Variants in KRT8 observed in about 807,000 individuals in gnomAD.
KRT8 encodes keratin, type II cytoskeletal 8.
Under a neutral mutation model 43.0 loss-of-function variants are expected in KRT8, and 24 were observed. That is an observed-to-expected ratio of 0.56 (90% CI 0.40 to 0.78). The LOEUF is 0.78. Among genes scored for constraint, KRT8 ranks in the 30% least tolerant of loss-of-function variants. KRT8 has a pLI of 0.00. For synonymous variants in KRT8, 214 were observed against 261.2 expected (o/e 0.82, Z 1.74); for missense variants, 492 against 638.4 (o/e 0.77, Z 2.47).
chr12:52,926,357 T>G, intron 2 of KRT8: 1 of 461,028 alleles, frequency 2.2e-6, no homozygotes, highest in Non-Finnish European at 3.8e-6. Flanking sequence ...CCCCCAGGAC[T>G]GTGCCCTCCT....
At chr12:52,906,761 A>G (rs1157014106), upstream of KRT8, 1 of 455,956 alleles carries the variant, frequency 2.2e-6, no homozygotes, top group Admixed American at 2.3e-5. Flanking sequence ...GAGGAGAGGG[A>G]CAGGTGACAT....
intron 2 of KRT8, among the ~76,000 whole-genome samples, chr12:52,918,521 G>C (rs1038119002): frequency 2.0e-5 from 3 of 152,210 alleles, no homozygotes; most frequent in Non-Finnish European, 4.4e-5. Context: ...GCTGCCCCGA[G>C]CCTGCCCATG....
chr12:52,914,760 TA>T (rs1235893160), intron 2 of KRT8, among the ~76,000 whole-genome samples: 4 of 152,220 alleles, frequency 2.6e-5, no homozygotes, highest in Admixed American at 6.5e-5. Flanking sequence ...CCTAGCCAGA[TA>T]AGGGGCTCAG....
intron 2 of KRT8, among the ~76,000 whole-genome samples, chr12:52,923,948 G>T (rs1020737521): frequency 6.8e-6 from 1 of 146,956 alleles, no homozygotes; most frequent in Non-Finnish European, 1.5e-5. Flanking sequence ...GGGTTCAAGC[G>T]ATTCTCCTGC....
intron 2 of KRT8, among the ~76,000 whole-genome samples, chr12:52,923,710 G>A (rs1480236128): frequency 1.3e-5 from 2 of 152,022 alleles, no homozygotes; most frequent in Non-Finnish European, 2.9e-5. Context: ...GAGCCACCAC[G>A]CCCGGCTCTA....
chr12:52,916,629 G>T (rs958693735), intron 2 of KRT8, among the ~76,000 whole-genome samples: 2 of 152,168 alleles, frequency 1.3e-5, no homozygotes, highest in Non-Finnish European at 2.9e-5. Context: ...CAGAGTAAAT[G>T]TATAGACCCT....
chr12:52,902,031 C>T (rs757281027), exon 2 of KRT8: 2 of 1,603,594 alleles, frequency 1.2e-6, no homozygotes, highest in Non-Finnish European at 8.5e-7. Context: ...GGAGGCTCCA[C>T]TTGGTCTCCA....
chr12:52,934,161 G>A (rs1369112016), intron 2 of KRT8, among the ~76,000 whole-genome samples: 6 of 151,104 alleles, frequency 4.0e-5, no homozygotes, highest in Admixed American at 1.3e-4. Flanking sequence ...CCCAGGAGGC[G>A]GAGGTTGCAG....
chr12:52,898,939 T>G (rs1941291835), intron 5 of KRT8, 40 bp from the exon 6 acceptor site: 1 of 1,582,566 alleles, frequency 6.3e-7, no homozygotes, highest in Non-Finnish European at 8.7e-7. Context: ...AGGTTGGGTA[T>G]GCCTTCTCTT....
intron 2 of KRT8, among the ~76,000 whole-genome samples, chr12:52,944,647 C>T (rs1206280749): frequency 1.3e-5 from 2 of 152,208 alleles, no homozygotes; most frequent in East Asian, 1.9e-4. Context: ...TGAGCTTCAG[C>T]GCCTGGAGGT....
At chr12:52,924,385 C>G (rs1324310441) in intron 2 of KRT8, among the ~76,000 whole-genome samples, 1 of 150,978 alleles carries the variant, frequency 6.6e-6, no homozygotes, top group South Asian at 2.1e-4. Context: ...GGAGGCGGAG[C>G]TTGCAGTGAG....
chr12:52,918,249 A>AGAAGAAGAAGAG (rs1565725915), intron 2 of KRT8, among the ~76,000 whole-genome samples: 2 of 151,888 alleles, frequency 1.3e-5, no homozygotes, highest in East Asian at 1.9e-4. Flanking sequence ...AAGAAGAAGA[A>AGAAGAAGAAGAG]GAAGAAGAAA....
chr12:52,901,677 T>C, intron 2 of KRT8, 187 bp downstream of exon 2: 1 of 623,020 alleles, frequency 1.6e-6, no homozygotes, highest in South Asian at 1.9e-5. Flanking sequence ...GTGGGTACTA[T>C]CAACAATTGT....
In KRT8 at chr12:52,902,366, G is replaced by GT. The variant is rs1467137802; in HGVS notation, c.325-295dup. On this transcript the variant is annotated intron_variant, in intron 1 of 7. Transcript: ENST00000692008. Reference sequence around the variant, plus strand: ...AGGCCTAACTTCATTTACATAGGTTGTATATTACACATCAATAAAAATAGC... The same window carrying GT: ...AGGCCTAACTTCATTTACATAGGTTGTTATATTACACATCAATAAAAATAGC... 3.3e-5 allele frequency among the ~76,000 whole-genome samples: 5 copies of GT among 152,284 alleles called. No individual in the cohort carries two copies. The South Asian group carries it at 8.3e-4, about 25-fold the overall frequency.
At chr12:52,901,832 C>A (rs1941377568) in intron 2 of KRT8, 32 bp downstream of exon 2, 28 of 1,499,752 alleles carry the variant, frequency 1.9e-5, no homozygotes, top group Non-Finnish European at 2.6e-5. Flanking sequence ...AGCACGGTGA[C>A]TTCAGTTGGG....
At chr12:52,937,457 G>T (rs1219808045) in intron 2 of KRT8, among the ~76,000 whole-genome samples, 4 of 151,866 alleles carry the variant, frequency 2.6e-5, no homozygotes, top group South Asian at 2.1e-4. Context: ...GGAGGCTGAG[G>T]CGGGAGTATT....
intron 7 of KRT8, among the ~76,000 whole-genome samples, chr12:52,898,208 A>G (rs76675009): frequency 0.024 from 3,580 of 152,126 alleles, 72 homozygotes; most frequent in Admixed American, 0.052. Context: ...ATCACATAAA[A>G]CCTGTAGGAT....
At position 52,927,160 on chromosome 12, in the gene KRT8, C is replaced by G. The variant is rs546534272; in HGVS notation, c.-46-22133G>C. On this transcript the variant is annotated intron_variant, in intron 2 of 6. Transcript: ENST00000546826. ...TAAGCCTCAGAAGGGTGTCCACAGC[C>G]TGGACACACCCCAGGGAGGAGATTC... Among the ~76,000 whole-genome samples the G allele has an allele frequency of 2.8e-4, 43 of 152,292 alleles. No homozygotes were observed. The South Asian group carries it at 6.6e-3, about 24-fold the overall frequency.
chr12:52,927,153 C>T (rs58241927), intron 2 of KRT8, among the ~76,000 whole-genome samples: 2,316 of 152,276 alleles, frequency 0.015, 58 homozygotes, highest in African/African-American at 0.052. Context: ...AGAAGGGTGT[C>T]CACAGCCTGG....
Sources: gnomAD v4.1 joint callset for allele counts (sites outside exome capture counted in the v4.1 genomes callset) on GRCh38, gnomAD v4.1.1 for gene constraint, MANE v1.5 for transcripts, NCBI Gene and HGNC (gene_info 2026-07-23, HGNC 2026-07-21) for gene names.